Variants in GALNTL6 observed in about 807,000 individuals in gnomAD.
The protein encoded by GALNTL6 is polypeptide N-acetylgalactosaminyltransferase-like 6.
GALNTL6 carries 46 observed loss-of-function variants against 73.7 expected under a neutral mutation model. The ratio of observed to expected loss-of-function variants is 0.62; its 90% confidence interval spans 0.49 to 0.80. The LOEUF is 0.80. Among genes scored for constraint, GALNTL6 ranks in the 30% least tolerant of loss-of-function variants. GALNTL6 has a pLI of 0.00. For synonymous variants in GALNTL6, 259 were observed against 263.7 expected, an observed-to-expected ratio of 0.98 and a Z score of 0.17; for missense variants, 604 against 755.0, an observed-to-expected ratio of 0.80 and a Z score of 2.34.
intron 2 of GALNTL6, among the ~76,000 whole-genome samples, chr4:171,955,767 G>A (rs1739025612): frequency 8.2e-6 from 1 of 121,306 alleles, no homozygotes; most frequent in South Asian, 2.9e-4. Context: ...GTGTATACGT[G>A]TGTGTATATA....
At chr4:172,503,536 ATATATATATATATG>A (rs1734339106) in intron 5 of GALNTL6, among the ~76,000 whole-genome samples, 1 of 93,286 alleles carries the variant, frequency 1.1e-5, no homozygotes, top group African/African-American at 2.9e-5. Flanking sequence ...GTATATATAT[ATATATATATATATG>A]TATTAGTTTT....
intron 2 of GALNTL6, among the ~76,000 whole-genome samples, chr4:171,919,963 T>C (rs1737737279): frequency 6.6e-6 from 1 of 152,130 alleles, no homozygotes; most frequent in South Asian, 2.1e-4. Flanking sequence ...CACACGTACG[T>C]TTATTGCGGC....
chr4:172,403,633 A>T, intron 5 of GALNTL6, among the ~76,000 whole-genome samples: 1 of 152,050 alleles, frequency 6.6e-6, no homozygotes, highest in East Asian at 1.9e-4. Flanking sequence ...TTAGTATGTC[A>T]AAAAGCATAT....
intron 5 of GALNTL6, among the ~76,000 whole-genome samples, chr4:172,546,271 T>A (rs1735746000): frequency 6.6e-6 from 1 of 152,166 alleles, no homozygotes; most frequent in Non-Finnish European, 1.5e-5. Context: ...GATTTACTTA[T>A]CTATTTAACA....
At chr4:173,023,484 C>T (rs1046076056) in intron 12 of GALNTL6, among the ~76,000 whole-genome samples, 2 of 152,102 alleles carry the variant, frequency 1.3e-5, no homozygotes, top group African/African-American at 4.8e-5. Flanking sequence ...TGGTGAAACC[C>T]CATCTGGACT....
intron 2 of GALNTL6, among the ~76,000 whole-genome samples, chr4:172,126,348 G>A (rs1247140255): frequency 2.6e-5 from 4 of 151,988 alleles, no homozygotes; most frequent in Admixed American, 2.6e-4. Flanking sequence ...TTCAATTAGC[G>A]ATTCAAGATG....
intron 8 of GALNTL6, among the ~76,000 whole-genome samples, chr4:172,897,050 A>C (rs1746366950): frequency 6.6e-6 from 1 of 152,150 alleles, no homozygotes; most frequent in African/African-American, 2.4e-5. Flanking sequence ...GGCTAGAACC[A>C]TCTCCTTGGT....
At chr4:172,757,742 C>T (rs992091148) in intron 5 of GALNTL6, among the ~76,000 whole-genome samples, 14 of 152,120 alleles carry the variant, frequency 9.2e-5, no homozygotes, top group African/African-American at 3.4e-4. Flanking sequence ...GTGATCTTTC[C>T]TACATAAACA....
intron 4 of GALNTL6, among the ~76,000 whole-genome samples, chr4:172,336,922 T>C (rs1044616793): frequency 1.3e-5 from 2 of 152,216 alleles, no homozygotes; most frequent in Non-Finnish European, 2.9e-5. Context: ...TATAAATGTT[T>C]GTGCTCCAAC....
chr4:172,362,047 T>C (rs949694276), intron 5 of GALNTL6, among the ~76,000 whole-genome samples: 6 of 152,134 alleles, frequency 3.9e-5, no homozygotes, highest in African/African-American at 1.4e-4. Flanking sequence ...TCCAACAACT[T>C]TGAGTATAAA....
At chr4:172,105,325 T>C (rs1183643910) in intron 2 of GALNTL6, among the ~76,000 whole-genome samples, 1 of 151,854 alleles carries the variant, frequency 6.6e-6, no homozygotes, top group Non-Finnish European at 1.5e-5. Flanking sequence ...ACGGAAGACA[T>C]GAATTAGAAG....
intron 5 of GALNTL6, among the ~76,000 whole-genome samples, chr4:172,782,596 C>T (rs1308381147): frequency 6.6e-6 from 1 of 152,034 alleles, no homozygotes; most frequent in Non-Finnish European, 1.5e-5. Flanking sequence ...TCTATCTCCC[C>T]CAACCCCCAC....
intron 2 of GALNTL6, among the ~76,000 whole-genome samples, chr4:172,119,255 C>T (rs931295495): frequency 2.6e-5 from 4 of 152,088 alleles, no homozygotes; most frequent in Admixed American, 6.6e-5. Flanking sequence ...TATTTTTCTC[C>T]ATTAAAAAGT....
chr4:171,869,005 CAGAG>C (rs977081060), intron 2 of GALNTL6, among the ~76,000 whole-genome samples: 2 of 152,110 alleles, frequency 1.3e-5, no homozygotes, highest in Non-Finnish European at 2.9e-5. Context: ...TCAACTTTCC[CAGAG>C]AGAGAGCATT....
At position 172,643,544 on chromosome 4, in the gene GALNTL6, T is replaced by C. The variant is rs115131898; in HGVS notation, c.554-165817T>C. ...GCTAGAATATTACCAGCACACCAGA[T>C]GTCTCCCTAAAGTCCCCAACTAGCC... is the stretch of plus-strand genomic sequence containing the variant. On this transcript the variant is annotated intron_variant, in intron 5 of 12. Transcript: ENST00000506823. Among the ~76,000 whole-genome samples, 140 of 152,060 alleles carry C rather than the reference T, an allele frequency of 9.2e-4. 1 individual carries two copies. The highest frequency in any genetic ancestry group is 3.2e-3 in the African/African-American group (134 of 41,556).
intron 5 of GALNTL6, among the ~76,000 whole-genome samples, chr4:172,369,452 C>T (rs1960805): frequency 0.81 from 122,571 of 152,096 alleles, 50,309 homozygotes; most frequent in Non-Finnish European, 0.88. Context: ...GCGGGTGGAG[C>T]TGCCCATCAG....
In GALNTL6 at chr4:171,988,558, A is replaced by G. The variant is rs957920697; in HGVS notation, c.138+173840A>G. ...TGGATTGTGGAGGGAGGTATTGAGG[A>G]TAGGAGAGTATATGGGTTTGGCACC... On this transcript the variant is annotated intron_variant, in intron 2 of 12. Transcript: ENST00000506823. Among the ~76,000 whole-genome samples, 20 of 152,238 alleles carry G rather than the reference A, an allele frequency of 1.3e-4. No individual in the cohort carries two copies. In the East Asian group the frequency reaches 2.5e-3, roughly 19 times the overall value.
chr4:172,976,815 C>G (rs1261345516), intron 10 of GALNTL6, among the ~76,000 whole-genome samples: 1 of 152,172 alleles, frequency 6.6e-6, no homozygotes, highest in Non-Finnish European at 1.5e-5. Flanking sequence ...CATTCTTTTA[C>G]AGCCTTCACG....
At chr4:172,618,987 G>T (rs1738850908) in intron 5 of GALNTL6, among the ~76,000 whole-genome samples, 1 of 152,144 alleles carries the variant, frequency 6.6e-6, no homozygotes, top group Non-Finnish European at 1.5e-5. Flanking sequence ...CTTCCAAGGT[G>T]CTGGGATTAC....
Sources: gnomAD v4.1 joint callset for allele counts (sites outside exome capture counted in the v4.1 genomes callset) on GRCh38, gnomAD v4.1.1 for gene constraint, MANE v1.5 for transcripts, NCBI Gene and HGNC (gene_info 2026-07-23, HGNC 2026-07-21) for gene names.